EFR3A: variants seen among roughly 807,000 people sequenced by gnomAD.
EFR3A encodes protein EFR3 homolog A.
In EFR3A, 76 loss-of-function variants were observed where a neutral mutation model predicts 104.4. The ratio of observed to expected loss-of-function variants is 0.73; its 90% confidence interval spans 0.60 to 0.88. The LOEUF (loss-of-function observed/expected upper bound fraction) is 0.88, where lower values mean the gene tolerates loss of function less well. Ranked by LOEUF, EFR3A falls within the 40% of genes least tolerant of loss-of-function variation. EFR3A has a pLI of 0.00. For synonymous variants in EFR3A, 330 were observed against 330.0 expected, an observed-to-expected ratio of 1.00 and a Z score of 0.00; for missense variants, 985 against 1,012.5, an observed-to-expected ratio of 0.97 and a Z score of 0.37.
chr8:131,999,944 CCA>C (rs1821705684), intron 19 of EFR3A, among the ~76,000 whole-genome samples: 1 of 151,950 alleles, frequency 6.6e-6, no homozygotes, highest in African/African-American at 2.4e-5. Context: ...TTGTAATAAT[CCA>C]CAGTTGATGG....
At chr8:131,969,403 A>G (rs1384474466) in intron 9 of EFR3A, among the ~76,000 whole-genome samples, 1 of 152,128 alleles carries the variant, frequency 6.6e-6, no homozygotes, top group Non-Finnish European at 1.5e-5. Flanking sequence ...TAGTTTTTGC[A>G]TATAACCTTT....
At chr8:131,920,622 T>A (rs1324138916) in intron 1 of EFR3A, among the ~76,000 whole-genome samples, 2 of 152,172 alleles carry the variant, frequency 1.3e-5, no homozygotes, top group Non-Finnish European at 2.9e-5. Context: ...AATTGTATAA[T>A]TTTTTGGCAG....
At chr8:131,912,691 C>T (rs1218801628) in intron 1 of EFR3A, among the ~76,000 whole-genome samples, 1 of 152,066 alleles carries the variant, frequency 6.6e-6, no homozygotes, top group Non-Finnish European at 1.5e-5. Context: ...TTTTACAGCT[C>T]AACATAATTT....
Position 131,970,596 on chromosome 8 carries a change from A to G in EFR3A, c.1112A>G (p.Lys371Arg). The change falls in exon 10 of 23, where the codon AAA (lysine) becomes AGA (arginine). Residue 371 changes from lysine (K) to arginine (R), a missense_variant. By Grantham distance (26) the Lys-to-Arg change is conservative. Transcript: ENST00000254624. ...AGTGTCAACTTAAATACAAGTTCCAAAGACAATGATGAGAAGATTGTGCAG... is the reference window on the plus strand; with the variant it reads ...AGTGTCAACTTAAATACAAGTTCCAGAGACAATGATGAGAAGATTGTGCAG... Reference protein sequence around the residue: ...VGSVNLNTSSKDNDEKIVQNA... With the variant: ...VGSVNLNTSSRDNDEKIVQNA... 6.2e-7 allele frequency: 1 copy of G among 1,613,890 alleles called. No individual in the cohort carries two copies. Among genetic ancestry groups the G allele is most frequent in the Non-Finnish European group, 8.5e-7 (1 of 1,179,810 alleles).
At chr8:132,001,913 A>G (rs1189296145) in intron 20 of EFR3A, 106 bp downstream of exon 20, 11 of 966,968 alleles carry the variant, frequency 1.1e-5, no homozygotes, top group Admixed American at 4.2e-5. Context: ...AAATAAACCA[A>G]AGAAACTTGT....
At chr8:131,979,692 G>A (rs113406566) in intron 14 of EFR3A, among the ~76,000 whole-genome samples, 3,301 of 152,164 alleles carry the variant, frequency 0.022, 59 homozygotes, top group Middle Eastern at 0.044. Flanking sequence ...TGCCCTGGCA[G>A]TCCTCTCCCA....
chr8:132,005,492 A>G (rs552828801), intron 22 of EFR3A, among the ~76,000 whole-genome samples: 1 of 152,046 alleles, frequency 6.6e-6, no homozygotes, highest in South Asian at 2.1e-4. Context: ...CTCACAGATA[A>G]CCCAGTTATT....
chr8:132,005,926 T>C (rs1822022732), intron 22 of EFR3A, among the ~76,000 whole-genome samples: 1 of 152,166 alleles, frequency 6.6e-6, no homozygotes, highest in South Asian at 2.1e-4. Context: ...GAGTATGTTC[T>C]CTTGCCACAA....
chr8:131,990,330 A>G (rs568816174), intron 18 of EFR3A, among the ~76,000 whole-genome samples: 8 of 152,330 alleles, frequency 5.3e-5, no homozygotes, highest in African/African-American at 1.2e-4. Context: ...GGGTCCTCCA[A>G]TAGCACATAC....
chr8:131,946,939 T>TGG (rs1257450529), intron 4 of EFR3A, among the ~76,000 whole-genome samples: 5 of 152,238 alleles, frequency 3.3e-5, no homozygotes, highest in African/African-American at 1.2e-4. Flanking sequence ...TTGAGTTTCA[T>TGG]GCCTTTTCAT....
At chr8:131,943,614 G>A (rs1818272707) in intron 2 of EFR3A, among the ~76,000 whole-genome samples, 2 of 151,924 alleles carry the variant, frequency 1.3e-5, no homozygotes, top group Admixed American at 1.3e-4. Flanking sequence ...TTGACATTTT[G>A]GTCCAGATAA....
chr8:131,935,373 A>G, intron 1 of EFR3A: 1 of 256,390 alleles, frequency 3.9e-6, no homozygotes, highest in Admixed American at 5.0e-5. Flanking sequence ...CATTTGAGGA[A>G]TTCATATTCT....
rs1822402672 is a variant in EFR3A at position 132,012,649 on chromosome 8, T to G, written c.*1754T>G. Reference sequence around the variant, plus strand: ...AGGATGTTAATTTTTGACTATATATTTTAAAAAAATCTAAGCAGGGGGACA... The same window carrying G: ...AGGATGTTAATTTTTGACTATATATGTTAAAAAAATCTAAGCAGGGGGACA... On this transcript the variant is annotated 3_prime_UTR_variant, in exon 23 of 23. Transcript: ENST00000254624. The G allele has an allele frequency of 6.6e-6, 1 of 152,468 alleles. No homozygotes were observed. The highest frequency in any genetic ancestry group is 2.4e-5 in the African/African-American group (1 of 41,408). 9.4% of individuals were successfully genotyped at this position (152,468 alleles called of 1,614,324 possible).
rs768626078 is a variant in EFR3A, at chr8:131,953,943, T to C, written c.614T>C (p.Met205Thr). 2 of 1,555,506 alleles carry C rather than the reference T, an allele frequency of 1.3e-6. No homozygotes were observed. Among genetic ancestry groups the C allele is most frequent in the Admixed American group, 4.0e-5 (2 of 50,306 alleles). The change falls in exon 6 of 23, where the codon ATG (methionine) becomes ACG (threonine). Residue 205 changes from methionine to threonine, a missense_variant. Met to Thr is a moderately conservative substitution (Grantham distance 81, BLOSUM62 -1). Transcript: ENST00000254624. Reference sequence around the variant, plus strand: ...ATTGTTCCATCCCTCCTGTTTAACATGCAAAAGATAGAAGAAGTTGACAGG... The same window carrying C: ...ATTGTTCCATCCCTCCTGTTTAACACGCAAAAGATAGAAGAAGTTGACAGG... ...DKIVPSLLFN[M>T]QKIEEVDSRI...
chr8:131,981,495 T>G (rs1053397367), intron 14 of EFR3A, among the ~76,000 whole-genome samples: 5 of 152,088 alleles, frequency 3.3e-5, no homozygotes, highest in Non-Finnish European at 7.4e-5. Flanking sequence ...TTTGTCAAAA[T>G]TTTATTTTTA....
At chr8:131,976,978 T>C in intron 11 of EFR3A, 63 bp from the exon 12 acceptor site, 1 of 1,098,564 alleles carries the variant, frequency 9.1e-7, no homozygotes, top group Non-Finnish European at 1.3e-6. Flanking sequence ...AATCAGTAAT[T>C]GAAGTAAATG....
At chr8:131,940,385 GAC>G (rs1818104030) in intron 1 of EFR3A, 112 bp from the exon 2 acceptor site, 2 of 969,720 alleles carry the variant, frequency 2.1e-6, no homozygotes, top group Middle Eastern at 3.1e-4. Flanking sequence ...CTTTATTTGT[GAC>G]AGTTTGAACT....
rs925041836 is a variant in EFR3A, at chr8:132,010,647, G to A, written c.2361-143G>A. On this transcript the variant is annotated intron_variant, in intron 22 of 22. Transcript: ENST00000254624. Reference sequence around the variant, plus strand: ...TGCAGTCTGTTTCCCATGCAGCCTTGTAGCTGGCCAGTAACTACAATGGCA... The same window carrying A: ...TGCAGTCTGTTTCCCATGCAGCCTTATAGCTGGCCAGTAACTACAATGGCA... 7.3e-6 allele frequency: 7 copies of A among 957,882 alleles called. No individual in the cohort carries two copies. The African/African-American group carries it at 8.1e-5, about 11-fold the overall frequency. 59.3% of individuals were successfully genotyped at this position (957,882 alleles called of 1,614,324 possible). A position where few individuals can be genotyped will look rare whatever the true frequency, so the allele number is the denominator to read the frequency against.
chr8:131,928,790 C>T (rs1267888246), intron 1 of EFR3A, among the ~76,000 whole-genome samples: 2 of 150,838 alleles, frequency 1.3e-5, no homozygotes. Flanking sequence ...TCTGATGTTT[C>T]CTCATTACTG....
Sources: gnomAD v4.1 joint callset for allele counts (sites outside exome capture counted in the v4.1 genomes callset) on GRCh38, gnomAD v4.1.1 for gene constraint, MANE v1.5 for transcripts, NCBI Gene and HGNC (gene_info 2026-07-23, HGNC 2026-07-21) for gene names.